ZFHX3: variants seen among roughly 807,000 people sequenced by gnomAD.
ZFHX3 encodes the protein zinc finger homeobox 3.
In ZFHX3, 42 loss-of-function variants were observed where a neutral mutation model predicts 279.1. That is an observed-to-expected ratio of 0.15 (90% CI 0.12 to 0.19). The LOEUF is 0.19. ZFHX3 is among the 10% of genes least tolerant of loss of function. The pLI, the probability that ZFHX3 is intolerant of heterozygous loss-of-function variation, is 1.00. For missense variants in ZFHX3, 4,981 were observed against 4,754.0 expected (o/e 1.05, Z -1.40); for synonymous variants, 2,293 against 1,957.8 (o/e 1.17, Z -4.52).
chr16:73,629,666 G>A (rs2052449944), intron 2 of ZFHX3, among the ~76,000 whole-genome samples: 1 of 151,756 alleles, frequency 6.6e-6, no homozygotes, highest in Non-Finnish European at 1.5e-5. Flanking sequence ...AAGAAAGAAA[G>A]GAAAAAGAAA....
At chr16:72,917,540 C>G (rs1391819760) in intron 3 of ZFHX3, among the ~76,000 whole-genome samples, 1 of 152,166 alleles carries the variant, frequency 6.6e-6, no homozygotes, top group African/African-American at 2.4e-5. Flanking sequence ...CTTCATACCA[C>G]GGGGTGTTTG....
chr16:73,279,781 GA>G (rs1393166869), intron 4 of ZFHX3, among the ~76,000 whole-genome samples: 3 of 152,154 alleles, frequency 2.0e-5, no homozygotes, highest in Non-Finnish European at 4.4e-5. Context: ...GCTTCTCTCA[GA>G]ACAGAGTCTT....
chr16:73,814,696 T>C (rs1342578194), intron 1 of ZFHX3, among the ~76,000 whole-genome samples: 1 of 151,816 alleles, frequency 6.6e-6, no homozygotes, highest in Non-Finnish European at 1.5e-5. Flanking sequence ...GCCTCCTGAG[T>C]AGCTGGGATT....
At chr16:73,782,642 A>G (rs1959511881) in intron 1 of ZFHX3, among the ~76,000 whole-genome samples, 1 of 152,160 alleles carries the variant, frequency 6.6e-6, no homozygotes, top group Non-Finnish European at 1.5e-5. Context: ...AATAGGTCTG[A>G]AAAGTGGGCT....
At chr16:73,807,653 T>G (rs1366065971) in intron 1 of ZFHX3, among the ~76,000 whole-genome samples, 3 of 121,238 alleles carry the variant, frequency 2.5e-5, no homozygotes, top group Non-Finnish European at 5.2e-5. Flanking sequence ...TTTTTTTTGG[T>G]AGAGGCAGGG....
At chr16:72,986,989 GA>G (rs1480248696) in intron 1 of ZFHX3, among the ~76,000 whole-genome samples, 1 of 152,064 alleles carries the variant, frequency 6.6e-6, no homozygotes, top group Non-Finnish European at 1.5e-5. Context: ...CCACCTCTAC[GA>G]AAAACACAAA....
rs1296152940 is a variant in ZFHX3 at position 72,783,123 on chromosome 16, A to G, written c.*4041T>C. The stretch of plus-strand genomic sequence containing the variant: ...CAGTAACAAAAAAGCTAACAAGACT[A>G]CATTATAGAAAAACACCAAGAACAT... On this transcript the variant is annotated 3_prime_UTR_variant, in exon 10 of 10. Transcript: ENST00000268489. 2 of 152,630 alleles carry G rather than the reference A, an allele frequency of 1.3e-5. No individual in the cohort carries two copies. The highest frequency in any genetic ancestry group is 2.4e-5 in the African/African-American group (1 of 41,444). 9.5% of individuals were successfully genotyped at this position (152,630 alleles called of 1,614,324 possible).
At chr16:73,207,911 T>G (rs1309494501) in intron 5 of ZFHX3, among the ~76,000 whole-genome samples, 1 of 152,132 alleles carries the variant, frequency 6.6e-6, no homozygotes, top group South Asian at 2.1e-4. Flanking sequence ...AAGAGCCAAA[T>G]GTATGTCCGT....
chr16:73,831,691 A>T (rs1961001527), intron 1 of ZFHX3, among the ~76,000 whole-genome samples: 1 of 152,198 alleles, frequency 6.6e-6, no homozygotes, highest in Admixed American at 6.5e-5. Context: ...GCCACCAAGA[A>T]TGATTATTTT....
In ZFHX3 at chr16:72,794,109, G is replaced by A. The variant is rs751734758; in HGVS notation, c.8573C>T (p.Ala2858Val). 6.2e-7 allele frequency: 1 copy of A among 1,614,206 alleles called. No homozygotes were observed. Among genetic ancestry groups the A allele is most frequent in the East Asian group, 2.2e-5 (1 of 44,882 alleles). ...TTTGGTTTCAGTTGCTATTCCCGTT[G>A]CACTGTCGTTATCTGCGTTGCCCTC... ...GDEGNADNDSATGIATETKSS... is the reference protein window; with the variant it reads ...GDEGNADNDSVTGIATETKSS... Residue 2858 changes from alanine (A) to valine (V), a missense_variant, in exon 9 of 10, where the codon GCA becomes GTA. Ala to Val is a moderately conservative substitution (Grantham distance 64). This residue lies in a region of ZFHX3 where 744 missense variants were observed against 701.3 expected (regional missense o/e 1.06). Coordinates refer to ENST00000268489, the MANE Select transcript of ZFHX3 (RefSeq NM_006885.4). This position sits in a 1 kb window ranked among gnomAD's most constrained non-coding sequence, Gnocchi z 4.2.
At chr16:73,509,691 ATTTTTTT>A (rs71156168) in intron 2 of ZFHX3, among the ~76,000 whole-genome samples, 6 of 106,048 alleles carry the variant, frequency 5.7e-5, no homozygotes, top group African/African-American at 2.0e-4. Context: ...TGCCCGGCTG[ATTTTTTT>A]TTTTTTTTTT....
In ZFHX3 at chr16:73,581,394, T is replaced by A. The variant is rs1049934866; in HGVS notation, c.-1547+98786A>T. 4.6e-5 allele frequency among the ~76,000 whole-genome samples: 7 copies of A among 151,996 alleles called. No individual in the cohort carries two copies. In the East Asian group the frequency reaches 1.4e-3, roughly 29 times the overall value. ...CTTACTTGTTTCTACTTTCATATAC[T>A]GTTTGTATAAGTGGTTTTCTTCTGA... On this transcript the variant is annotated intron_variant, in intron 2 of 17. Coordinates refer to the ZFHX3 transcript ENST00000641206.
chr16:73,708,160 G>A (rs1182512370), intron 1 of ZFHX3, among the ~76,000 whole-genome samples: 2 of 152,088 alleles, frequency 1.3e-5, no homozygotes, highest in South Asian at 4.1e-4. Flanking sequence ...AACAACCCTT[G>A]AGTGACCATA....
intron 4 of ZFHX3, among the ~76,000 whole-genome samples, chr16:73,309,305 C>T (rs1053722965): frequency 6.6e-6 from 1 of 152,110 alleles, no homozygotes; most frequent in African/African-American, 2.4e-5. Flanking sequence ...ATTTAGCTCC[C>T]ACTTACAAGT....
At chr16:73,109,642 A>C (rs887875452) in intron 7 of ZFHX3, among the ~76,000 whole-genome samples, 1 of 152,208 alleles carries the variant, frequency 6.6e-6, no homozygotes, top group Non-Finnish European at 1.5e-5. Flanking sequence ...TGAGGCCAGC[A>C]GTTCAAGATC....
intron 8 of ZFHX3, among the ~76,000 whole-genome samples, chr16:73,070,668 A>G (rs1965810871): frequency 6.6e-6 from 1 of 151,876 alleles, no homozygotes; most frequent in African/African-American, 2.4e-5. Flanking sequence ...TTTACCTGGC[A>G]AGGACCACGT....
intron 2 of ZFHX3, among the ~76,000 whole-genome samples, chr16:73,545,628 T>C (rs934750047): frequency 6.6e-6 from 1 of 152,172 alleles, no homozygotes; most frequent in Non-Finnish European, 1.5e-5. Flanking sequence ...TGTCTTTAGT[T>C]TGTGCTCTTC....
intron 5 of ZFHX3, among the ~76,000 whole-genome samples, chr16:73,192,129 G>A (rs532067216): frequency 6.6e-6 from 1 of 152,086 alleles, no homozygotes; most frequent in Non-Finnish European, 1.5e-5. Context: ...ACTAGCACAT[G>A]AGCCTCACTT....
intron 5 of ZFHX3, among the ~76,000 whole-genome samples, chr16:73,237,008 C>T (rs990760264): frequency 1.2e-4 from 19 of 152,160 alleles, no homozygotes; most frequent in African/African-American, 4.6e-4. Flanking sequence ...CCACGGTGCT[C>T]TTCACACATA....
Sources: allele counts gnomAD v4.1 joint callset (sites outside exome capture counted in the v4.1 genomes callset), GRCh38; gene constraint gnomAD v4.1.1; regional missense constraint gnomAD v4.1.1; non-coding constraint Gnocchi (gnomAD v3.1); transcripts MANE v1.5; gene names NCBI Gene and HGNC (gene_info 2026-07-23, HGNC 2026-07-21).